PPP2R2B: variants seen among roughly 807,000 people sequenced by gnomAD.
The protein encoded by PPP2R2B is serine/threonine-protein phosphatase 2A 55 kDa regulatory subunit B beta isoform.
A neutral mutation model predicts 46.0 loss-of-function variants in PPP2R2B; 5 were observed. The observed-to-expected ratio is 0.11, with a 90% CI of 0.06 to 0.23. The LOEUF (loss-of-function observed/expected upper bound fraction) is 0.23, where lower values mean the gene tolerates loss of function less well. PPP2R2B is among the 10% of genes least tolerant of loss of function. PPP2R2B has a pLI of 1.00. For missense variants in PPP2R2B, 367 were observed against 575.0 expected, an observed-to-expected ratio of 0.64 and a Z score of 3.70; for synonymous variants, 215 against 206.7, an observed-to-expected ratio of 1.04 and a Z score of -0.34.
rs1774958291 is a variant in PPP2R2B, at chr5:146,638,315, G to A, written c.726C>T (p.Ser242=). ...PHHCNTFVYS[S]SKGTIRLCDM... is the part of the protein sequence containing the mutation. Reference sequence around the variant, plus strand: ...CACACAGCCGGATTGTCCCTTTGCTGCTGCTGTACACGAAGGTGTTGCAAT... The same window carrying A: ...CACACAGCCGGATTGTCCCTTTGCTACTGCTGTACACGAAGGTGTTGCAAT... Residue 242 remains serine, a synonymous_variant, in exon 7 of 10, where the codon AGC becomes AGT. Transcript: ENST00000394411. 2 of 1,613,856 alleles carry A rather than the reference G, an allele frequency of 1.2e-6. No individual in the cohort carries two copies. Among genetic ancestry groups the A allele is most frequent in the African/African-American group, 2.7e-5 (2 of 74,908 alleles).
At chr5:146,956,661 A>G (rs922453884) in intron 1 of PPP2R2B, among the ~76,000 whole-genome samples, 1 of 152,194 alleles carries the variant, frequency 6.6e-6, no homozygotes, top group African/African-American at 2.4e-5. Context: ...ATGTATGTAT[A>G]TATCTGTCTT....
chr5:146,701,618 C>CAAAGAAATCATTGGGAAAA (rs1779544033), intron 2 of PPP2R2B, among the ~76,000 whole-genome samples: 1 of 152,190 alleles, frequency 6.6e-6, no homozygotes, highest in South Asian at 2.1e-4. Context: ...GAACAGAGCA[C>CAAAGAAATCATTGGGAAAA]AAAGAAATCA....
At chr5:146,934,944 A>C (rs113555722) in intron 1 of PPP2R2B, among the ~76,000 whole-genome samples, 2 of 152,214 alleles carry the variant, frequency 1.3e-5, no homozygotes, top group East Asian at 3.9e-4. Flanking sequence ...GGAAATTATC[A>C]CTTTTCTACT....
chr5:146,717,846 C>T (rs536799775), intron 2 of PPP2R2B, among the ~76,000 whole-genome samples: 2 of 152,164 alleles, frequency 1.3e-5, no homozygotes, highest in South Asian at 4.1e-4. Context: ...TAAACTAGTC[C>T]CCCGTCCTCC....
rs561425546 is a variant in PPP2R2B at position 146,898,546 on chromosome 5, T to C, written c.79+157119A>G. ...CTAGAAGAAAACCTAGGCATTACCA[T>C]TCAGGACATAGGCATGGGCAAGGAC... On this transcript the variant is annotated intron_variant, in intron 1 of 8. Coordinates refer to the PPP2R2B transcript ENST00000336640. Among the ~76,000 whole-genome samples the C allele has an allele frequency of 2.6e-3, 398 of 151,644 alleles. 4 individuals are homozygous for C. The highest frequency in any genetic ancestry group is 9.3e-3 in the African/African-American group (384 of 41,152).
chr5:146,792,848 T>C, intron 2 of PPP2R2B, among the ~76,000 whole-genome samples: 1 of 152,168 alleles, frequency 6.6e-6, no homozygotes, highest in East Asian at 1.9e-4. Flanking sequence ...ACAGATGATG[T>C]AGGGTCTTGC....
rs1297656377 is a variant in PPP2R2B, at chr5:146,587,790, T to TATTA, written c.*2153_*2156dup. On this transcript the variant is annotated 3_prime_UTR_variant, in exon 10 of 10. Coordinates refer to ENST00000394411, the MANE Select transcript of PPP2R2B (RefSeq NM_181675.4). ...CATATCAGAGTTGAAATTTCATGCA[T>TATTA]ATTATTTCTTTGGAGGAGGCTAAGT... is the stretch of plus-strand genomic sequence containing the variant. 6 of 152,228 alleles carry TATTA rather than the reference T, an allele frequency of 3.9e-5. No homozygotes were observed. The highest frequency in any genetic ancestry group is 1.5e-5 in the Non-Finnish European group (1 of 68,042). The allele number at this position is 152,228 out of a possible 1,614,324, so 9.4% of individuals were successfully genotyped here.
intron 2 of PPP2R2B, among the ~76,000 whole-genome samples, chr5:146,750,585 G>A (rs1331817540): frequency 6.6e-6 from 1 of 152,134 alleles, no homozygotes; most frequent in Non-Finnish European, 1.5e-5. Flanking sequence ...AACTCAATCA[G>A]ATGTTAAATG....
upstream of PPP2R2B, among the ~76,000 whole-genome samples, chr5:146,883,092 A>G (rs1471826427): frequency 6.6e-6 from 1 of 152,216 alleles, no homozygotes; most frequent in South Asian, 2.1e-4. Context: ...GACCTAAGCC[A>G]GTCTGGAGAT....
At chr5:146,976,407 G>A (rs1023085882) in intron 1 of PPP2R2B, among the ~76,000 whole-genome samples, 1 of 152,082 alleles carries the variant, frequency 6.6e-6, no homozygotes, top group African/African-American at 2.4e-5. Context: ...AAAGTGCTGG[G>A]ATTGCAGGCA....
chr5:146,984,502 T>C (rs1433480013), intron 1 of PPP2R2B, among the ~76,000 whole-genome samples: 1 of 152,246 alleles, frequency 6.6e-6, no homozygotes, highest in Non-Finnish European at 1.5e-5. Flanking sequence ...ACACTTAGAC[T>C]GATTCCATAA....
At chr5:146,923,716 T>C (rs981437856) in intron 1 of PPP2R2B, among the ~76,000 whole-genome samples, 1 of 152,228 alleles carries the variant, frequency 6.6e-6, no homozygotes, top group African/African-American at 2.4e-5. Flanking sequence ...ATCCCATTAC[T>C]GGGTATATAC....
chr5:146,883,852 G>T (rs915856099), intron 1 of PPP2R2B, among the ~76,000 whole-genome samples: 1 of 152,144 alleles, frequency 6.6e-6, no homozygotes, highest in Admixed American at 6.5e-5. Flanking sequence ...AGACTCTGGG[G>T]TCTTAATGGA....
At chr5:147,002,831 C>T (rs183071545) in intron 1 of PPP2R2B, among the ~76,000 whole-genome samples, 123 of 152,142 alleles carry the variant, frequency 8.1e-4, no homozygotes, top group Non-Finnish European at 1.1e-3. Context: ...CAGGTTTTTG[C>T]GCAGGGGGAG....
At chr5:146,917,578 G>T (rs964543384) in intron 1 of PPP2R2B, among the ~76,000 whole-genome samples, 2 of 152,204 alleles carry the variant, frequency 1.3e-5, no homozygotes, top group African/African-American at 4.8e-5. Context: ...ATTAATGGTA[G>T]AGTTGGTTCT....
At chr5:146,913,444 T>C (rs1347812398) in intron 1 of PPP2R2B, among the ~76,000 whole-genome samples, 1 of 152,216 alleles carries the variant, frequency 6.6e-6, no homozygotes, top group Non-Finnish European at 1.5e-5. Flanking sequence ...GGAAGTTCTA[T>C]GCTTAGTAAA....
chr5:146,861,113 TG>T (rs1313759911), intron 2 of PPP2R2B, among the ~76,000 whole-genome samples: 6 of 148,388 alleles, frequency 4.0e-5, no homozygotes, highest in African/African-American at 1.5e-4. Context: ...TGGAGTGCAG[TG>T]GCGCGATCTC....
chr5:146,674,832 G>A (rs2151126996), intron 5 of PPP2R2B, among the ~76,000 whole-genome samples: 1 of 152,296 alleles, frequency 6.6e-6, no homozygotes, highest in South Asian at 2.1e-4. Context: ...GAGTAGCCCA[G>A]AAGAAGCACA....
At chr5:147,015,720 A>T (rs1403133931) in intron 1 of PPP2R2B, among the ~76,000 whole-genome samples, 1 of 150,818 alleles carries the variant, frequency 6.6e-6, no homozygotes, top group Non-Finnish European at 1.5e-5. Flanking sequence ...TTAATGTAAA[A>T]TAAGAATGCT....
Sources: gnomAD v4.1 joint callset for allele counts (sites outside exome capture counted in the v4.1 genomes callset) on GRCh38, gnomAD v4.1.1 for gene constraint, MANE v1.5 for transcripts, NCBI Gene and HGNC (gene_info 2026-07-23, HGNC 2026-07-21) for gene names.